Variants in COLGALT2 observed in about 807,000 individuals in gnomAD.
COLGALT2 encodes collagen beta(1-O)galactosyltransferase 2, also known as procollagen galactosyltransferase 2.
In COLGALT2, 49 loss-of-function variants were observed where a neutral mutation model predicts 73.4. That is an observed-to-expected ratio of 0.67 (90% CI 0.53 to 0.85). The LOEUF (loss-of-function observed/expected upper bound fraction) is 0.85, where lower values mean the gene tolerates loss of function less well. COLGALT2 is among the 40% of genes least tolerant of loss of function. The pLI, the probability that COLGALT2 is intolerant of heterozygous loss-of-function variation, is 0.00. For synonymous variants in COLGALT2, 295 were observed against 307.6 expected, an observed-to-expected ratio of 0.96 and a Z score of 0.43; for missense variants, 722 against 790.2, an observed-to-expected ratio of 0.91 and a Z score of 1.03.
At position 183,965,645 on chromosome 1, in the gene COLGALT2, C is replaced by T. The variant is rs150508573; in HGVS notation, c.833-1625G>A. The stretch of plus-strand genomic sequence containing the variant: ...ATATATTAGAAAGCTCCAGAACAGA[C>T]GTCTTCGCAAATATGCAAAAAAGGA... On this transcript the variant is annotated intron_variant, in intron 5 of 11. Transcript: ENST00000361927. Among the ~76,000 whole-genome samples the T allele has an allele frequency of 2.9e-3, 447 of 152,278 alleles. 3 individuals carry two copies. The highest frequency in any genetic ancestry group is 9.6e-3 in the African/African-American group (400 of 41,550).
chr1:183,964,093 C>A (rs1266296671), intron 5 of COLGALT2, 73 bp from the exon 6 acceptor site: 13 of 1,541,984 alleles, frequency 8.4e-6, no homozygotes, highest in Non-Finnish European at 1.2e-5. Context: ...GGAGAAGGAA[C>A]CTGAACTGTG....
intron 1 of COLGALT2, among the ~76,000 whole-genome samples, chr1:184,031,038 C>T (rs1249656947): frequency 6.6e-6 from 1 of 152,156 alleles, no homozygotes; most frequent in African/African-American, 2.4e-5. Context: ...TTATTAGTCA[C>T]TTCAGTTTTT....
chr1:183,994,716 A>G (rs758675024), intron 1 of COLGALT2, among the ~76,000 whole-genome samples: 1 of 152,130 alleles, frequency 6.6e-6, no homozygotes, highest in Non-Finnish European at 1.5e-5. Context: ...TGGCCTCCCA[A>G]AGTGCTGGAT....
intron 1 of COLGALT2, among the ~76,000 whole-genome samples, chr1:184,008,112 G>A (rs147037065): frequency 1.3e-5 from 2 of 152,184 alleles, no homozygotes; most frequent in African/African-American, 4.8e-5. Flanking sequence ...ACTAGAAAGG[G>A]GCAAACAGAC....
chr1:184,006,170 C>T (rs143212428), intron 1 of COLGALT2, among the ~76,000 whole-genome samples: 231 of 152,272 alleles, frequency 1.5e-3, no homozygotes, highest in Middle Eastern at 6.8e-3. Context: ...CATTCCACTC[C>T]CATATGTTGA....
Position 183,938,393 on chromosome 1 carries a change from G to A in COLGALT2, c.*368C>T, listed in dbSNP as rs1269791397. On this transcript the variant is annotated 3_prime_UTR_variant, in exon 12 of 12. Transcript: ENST00000361927. ...GCCTGGCTGCCTTGACTACATATTT[G>A]CTGATGTGACAGCTCGGTGATCACT... 9.4e-7 allele frequency: 1 copy of A among 1,061,668 alleles called. No homozygotes were observed. The highest frequency in any genetic ancestry group is 1.1e-6 in the Non-Finnish European group (1 of 877,214). The allele number at this position is 1,061,668 out of a possible 1,614,324, so 65.8% of individuals were successfully genotyped here.
chr1:183,930,053 A>G, exon 12 of COLGALT2: 2 of 326,208 alleles, frequency 6.1e-6, no homozygotes, highest in South Asian at 2.4e-5. Flanking sequence ...ACTGTTCCCA[A>G]CTGCCTTAGA....
At chr1:183,991,020 A>T (rs975882442) in intron 1 of COLGALT2, among the ~76,000 whole-genome samples, 12 of 152,242 alleles carry the variant, frequency 7.9e-5, no homozygotes, top group African/African-American at 2.9e-4. Flanking sequence ...AATGTTCAAA[A>T]TATACATCAT....
At chr1:183,944,918 G>T (rs1327367743) in intron 9 of COLGALT2, among the ~76,000 whole-genome samples, 1 of 152,126 alleles carries the variant, frequency 6.6e-6, no homozygotes, top group Non-Finnish European at 1.5e-5. Context: ...TTTCTTTTTG[G>T]TTGTGGAAAC....
At chr1:184,025,703 G>A (rs866087530) in intron 1 of COLGALT2, among the ~76,000 whole-genome samples, 1 of 152,154 alleles carries the variant, frequency 6.6e-6, no homozygotes, top group African/African-American at 2.4e-5. Context: ...CATCAAGCAC[G>A]TGCCTTCCCA....
In COLGALT2 at chr1:183,944,392, G is replaced by A. The variant is rs183889847; in HGVS notation, c.1270-69C>T. 50 of 1,529,074 alleles carry A rather than the reference G, an allele frequency of 3.3e-5. No homozygotes were observed. In the Admixed American group the frequency reaches 9.5e-4, roughly 29 times the overall value. The allele number at this position is 1,529,074 out of a possible 1,614,324, so 94.7% of individuals were successfully genotyped here. A position where few individuals can be genotyped will look rare whatever the true frequency, so the allele number is the denominator to read the frequency against. On this transcript the variant is annotated intron_variant, in intron 9 of 11. Coordinates refer to ENST00000361927, the MANE Select transcript of COLGALT2 (RefSeq NM_015101.4). ...AACCCAATTTTTATTAGATAAATAA[G>A]TATTAAAAAGTCACGAGTCTAGTAG...
intron 1 of COLGALT2, among the ~76,000 whole-genome samples, chr1:184,011,693 T>C (rs752194204): frequency 2.6e-5 from 4 of 152,182 alleles, no homozygotes; most frequent in South Asian, 2.1e-4. Flanking sequence ...TCAATGTCAT[T>C]GCGTAGTTAT....
chr1:183,945,789 C>A (rs1025068539), intron 8 of COLGALT2: 5 of 560,390 alleles, frequency 8.9e-6, no homozygotes, highest in Non-Finnish European at 1.3e-5. Flanking sequence ...CCTCATAGTG[C>A]CCAACATAGT....
chr1:184,037,391 G>C lies in COLGALT2; in HGVS notation c.-34C>G, dbSNP rs1308526557. The C allele has an allele frequency of 1.2e-5, 16 of 1,350,224 alleles. No individual in the cohort carries two copies. The highest frequency in any genetic ancestry group is 1.5e-5 in the Non-Finnish European group (16 of 1,053,466). The allele number at this position is 1,350,224 out of a possible 1,614,324, so 83.6% of individuals were successfully genotyped here. A position where few individuals can be genotyped will look rare whatever the true frequency, so the allele number is the denominator to read the frequency against. ...CCGAGGCGGGCGGCGGGGAAGTCCT[G>C]GCGCGAGCGCCCGGCTGGGCTGCCT... On this transcript the variant is annotated 5_prime_UTR_variant, in exon 1 of 12. Transcript: ENST00000361927.
chr1:183,983,461 A>C (rs568299895), intron 1 of COLGALT2, among the ~76,000 whole-genome samples: 1 of 152,350 alleles, frequency 6.6e-6, no homozygotes, highest in African/African-American at 2.4e-5. Context: ...TGAATGCATA[A>C]TAATGAAAGC....
intron 2 of COLGALT2, among the ~76,000 whole-genome samples, chr1:183,977,857 AAAAGAAAAG>A (rs1671247303): frequency 6.7e-6 from 1 of 149,516 alleles, no homozygotes; most frequent in African/African-American, 2.5e-5. Context: ...AGAAGCGAAG[AAAAGAAAAG>A]AAAGAAAAGA....
chr1:183,998,989 A>G (rs376452784), intron 1 of COLGALT2, among the ~76,000 whole-genome samples: 1 of 152,152 alleles, frequency 6.6e-6, no homozygotes, highest in East Asian at 1.9e-4. Flanking sequence ...ATATCTACAT[A>G]CATACATAAT....
At chr1:184,030,936 G>A (rs1188381544) in intron 1 of COLGALT2, among the ~76,000 whole-genome samples, 1 of 152,150 alleles carries the variant, frequency 6.6e-6, no homozygotes, top group Non-Finnish European at 1.5e-5. Context: ...GCCTCATCAT[G>A]GAACTCAATA....
downstream of COLGALT2, among the ~76,000 whole-genome samples, chr1:183,933,707 C>G (rs6668065): frequency 6.6e-6 from 1 of 152,138 alleles, no homozygotes; most frequent in African/African-American, 2.4e-5. Flanking sequence ...CCCAGCCACC[C>G]GTGGAATAGG....
Sources: gnomAD v4.1 joint callset for allele counts (sites outside exome capture counted in the v4.1 genomes callset) on GRCh38, gnomAD v4.1.1 for gene constraint, MANE v1.5 for transcripts, NCBI Gene and HGNC (gene_info 2026-07-23, HGNC 2026-07-21) for gene names.